The following MTMR7 variants were observed in gnomAD, a reference collection of about 807,000 sequenced individuals.
MTMR7 encodes the protein phosphatidylinositol-3-phosphate phosphatase MTMR7.
Under a neutral mutation model 81.2 loss-of-function variants are expected in MTMR7, and 76 were observed. The observed-to-expected ratio is 0.94, with a 90% CI of 0.78 to 1.13. MTMR7 has a LOEUF of 1.13. Among genes scored for constraint, MTMR7 ranks in the 50% most tolerant of loss-of-function variants. MTMR7 has a pLI of 0.00. For synonymous variants in MTMR7, 372 were observed against 289.8 expected (o/e 1.28, Z -2.88); for missense variants, 1,044 against 820.0 (o/e 1.27, Z -3.34).
intron 10 of MTMR7, among the ~76,000 whole-genome samples, chr8:17,307,838 G>T (rs1024337280): frequency 2.5e-4 from 37 of 150,722 alleles, no homozygotes; most frequent in African/African-American, 2.4e-5. Context: ...ACTGAACAAT[G>T]AGAACACAAG....
At chr8:17,400,892 C>T (rs1585123985) in intron 1 of MTMR7, among the ~76,000 whole-genome samples, 1 of 152,144 alleles carries the variant, frequency 6.6e-6, no homozygotes. Context: ...TTAAACATTC[C>T]TCAAAAATCG....
intron 4 of MTMR7, among the ~76,000 whole-genome samples, chr8:17,356,325 G>A (rs1819889150): frequency 1.3e-5 from 2 of 152,002 alleles, no homozygotes; most frequent in Admixed American, 6.6e-5. Flanking sequence ...TTAGGTTCTT[G>A]GAAAGTCACA....
chr8:17,315,312 A>T (rs1003865708), intron 7 of MTMR7, among the ~76,000 whole-genome samples: 12 of 152,188 alleles, frequency 7.9e-5, no homozygotes, highest in Admixed American at 1.3e-4. Flanking sequence ...AGACAGTAAA[A>T]AAATCAGCGG....
intron 12 of MTMR7, among the ~76,000 whole-genome samples, chr8:17,302,966 C>T (rs1364637518): frequency 6.6e-6 from 1 of 152,064 alleles, no homozygotes; most frequent in Non-Finnish European, 1.5e-5. Flanking sequence ...CCACCTCAGC[C>T]TCCCAAAGTG....
Position 17,346,593 on chromosome 8 carries a change from A to G in MTMR7, c.597+2360T>C, listed in dbSNP as rs538674956. Among the ~76,000 whole-genome samples, 310 of 152,128 alleles carry G rather than the reference A, an allele frequency of 2.0e-3. 3 individuals are homozygous for G. Among genetic ancestry groups the G allele is most frequent in the Middle Eastern group, 3.4e-3 (1 of 294 alleles). On this transcript the variant is annotated intron_variant, in intron 5 of 13. Coordinates refer to ENST00000180173, the MANE Select transcript of MTMR7 (RefSeq NM_004686.5). ...TGCTAAAAATTCTCTTTCTGAGACAATACATATTTAATCCTGATACTACTC... is the reference window on the plus strand; with the variant it reads ...TGCTAAAAATTCTCTTTCTGAGACAGTACATATTTAATCCTGATACTACTC...
At chr8:17,371,897 A>T (rs941422612) in intron 2 of MTMR7, among the ~76,000 whole-genome samples, 1 of 118,974 alleles carries the variant, frequency 8.4e-6, no homozygotes, top group Non-Finnish European at 1.7e-5. Context: ...CTTGAAATTT[A>T]CTCTCATAAT....
chr8:17,334,455 A>C (rs960854681), intron 6 of MTMR7, among the ~76,000 whole-genome samples: 1 of 152,230 alleles, frequency 6.6e-6, no homozygotes, highest in African/African-American at 2.4e-5. Flanking sequence ...CAAGTAGATA[A>C]AGCAATAAAG....
At chr8:17,373,614 T>A (rs1266918369) in intron 1 of MTMR7, among the ~76,000 whole-genome samples, 1 of 152,348 alleles carries the variant, frequency 6.6e-6, no homozygotes, top group East Asian at 1.9e-4. Context: ...ATGTATCAAT[T>A]ACATTCTATG....
chr8:17,343,000 C>A (rs1015939158), intron 5 of MTMR7, among the ~76,000 whole-genome samples: 2 of 152,116 alleles, frequency 1.3e-5, no homozygotes, highest in East Asian at 1.9e-4. Flanking sequence ...TCAAATGACA[C>A]AGATGGCTTT....
At chr8:17,352,375 A>G (rs1819753501) in intron 4 of MTMR7, among the ~76,000 whole-genome samples, 2 of 152,206 alleles carry the variant, frequency 1.3e-5, no homozygotes, top group Non-Finnish European at 1.5e-5. Flanking sequence ...GGTACTGGGA[A>G]AACTAGATAC....
At chr8:17,301,993 G>C (rs570152886) in intron 13 of MTMR7, 161 bp downstream of exon 13, 9 of 878,242 alleles carry the variant, frequency 1.0e-5, no homozygotes, top group South Asian at 1.9e-5. Flanking sequence ...TTTGGGCTTC[G>C]GTTATCTGAG....
In MTMR7 at chr8:17,305,747, A is replaced by G. The variant is rs377660505; in HGVS notation, c.1352+10T>C. ...TAAAAGTTAAACACCAAAAACACCAAAACACTTACTTGAGTTCTCGTCTCT... is the reference window on the plus strand; with the variant it reads ...TAAAAGTTAAACACCAAAAACACCAGAACACTTACTTGAGTTCTCGTCTCT... On this transcript the variant is annotated intron_variant, in intron 11 of 13. Transcript: ENST00000180173. 1.1e-5 allele frequency: 18 copies of G among 1,597,974 alleles called. No homozygotes were observed. In the African/African-American group the frequency reaches 2.1e-4, roughly 19 times the overall value.
At chr8:17,353,439 A>AT (rs1819789309) in intron 4 of MTMR7, among the ~76,000 whole-genome samples, 1 of 152,162 alleles carries the variant, frequency 6.6e-6, no homozygotes, top group Non-Finnish European at 1.5e-5. Context: ...TACGTTATGC[A>AT]TTTTTTAAAT....
chr8:17,305,256 C>T (rs1304732231), intron 11 of MTMR7, among the ~76,000 whole-genome samples: 8 of 152,178 alleles, frequency 5.3e-5, no homozygotes, highest in Non-Finnish European at 1.2e-4. Context: ...AATGTTCTCT[C>T]ATGTATACTG....
chr8:17,406,878 A>G (rs1485285898), intron 1 of MTMR7, among the ~76,000 whole-genome samples: 1 of 152,164 alleles, frequency 6.6e-6, no homozygotes, highest in Non-Finnish European at 1.5e-5. Flanking sequence ...CACATATTGT[A>G]TGATTAAATT....
At chr8:17,336,010 T>C (rs371713018) in intron 6 of MTMR7, among the ~76,000 whole-genome samples, 4 of 152,144 alleles carry the variant, frequency 2.6e-5, no homozygotes, top group African/African-American at 9.6e-5. Flanking sequence ...AGAGAAGAGG[T>C]AAATTTCTCT....
chr8:17,382,422 C>G (rs548927398), intron 1 of MTMR7, among the ~76,000 whole-genome samples: 1 of 152,174 alleles, frequency 6.6e-6, no homozygotes, highest in Non-Finnish European at 1.5e-5. Flanking sequence ...AACCCTAGAG[C>G]ACTTGGTAAC....
rs1189974969 is a variant in MTMR7 at position 17,371,094 on chromosome 8, G to T, written c.253C>A (p.Pro85Thr). Residue 85 changes from proline to threonine, a missense_variant, in exon 3 of 14, where the codon CCT (proline) becomes ACT (threonine). Pro to Thr is a conservative substitution (Grantham distance 38). Coordinates refer to ENST00000180173, the MANE Select transcript of MTMR7 (RefSeq NM_004686.5). ...KNFQIIQLII[P>T]QERDCHDVYI... ...ACGTCGTGGCAATCTCTTTCCTGAG[G>T]TATGATGAGCTGTATTATCTGAAAG... The T allele has an allele frequency of 1.2e-6, 2 of 1,614,180 alleles. No homozygotes were observed. The highest frequency in any genetic ancestry group is 1.1e-5 in the South Asian group (1 of 91,068).
chr8:17,392,240 T>C (rs2150578324), intron 1 of MTMR7, among the ~76,000 whole-genome samples: 1 of 152,274 alleles, frequency 6.6e-6, no homozygotes, highest in African/African-American at 2.4e-5. Flanking sequence ...CAAATGCTGT[T>C]TTTCCTCCAG....
Sources: allele counts gnomAD v4.1 joint callset (sites outside exome capture counted in the v4.1 genomes callset), GRCh38; gene constraint gnomAD v4.1.1; transcripts MANE v1.5; gene names NCBI Gene and HGNC (gene_info 2026-07-23, HGNC 2026-07-21).